TRPM6: variants seen among roughly 807,000 people sequenced by gnomAD.
TRPM6 encodes the protein transient receptor potential cation channel subfamily M member 6, also known as channel kinase 2.
Under a neutral mutation model 247.6 loss-of-function variants are expected in TRPM6, and 111 were observed. The observed-to-expected ratio is 0.45, with a 90% CI of 0.38 to 0.52. TRPM6 has a LOEUF of 0.52. Ranked by LOEUF, TRPM6 falls within the 20% of genes least tolerant of loss-of-function variation. The probability of loss-of-function intolerance (pLI) is 0.00; values close to 1 mark genes in which losing one functional copy is unlikely to be tolerated. For missense variants in TRPM6, 2,126 were observed against 2,421.5 expected (o/e 0.88, Z 2.56); for synonymous variants, 892 against 853.8 (o/e 1.04, Z -0.78).
At chr9:74,750,865 T>C (rs1005671393) in intron 29 of TRPM6, 143 bp from the exon 30 acceptor site, 3 of 779,708 alleles carry the variant, frequency 3.8e-6, no homozygotes, top group Non-Finnish European at 6.7e-6. Context: ...AAAAACATAC[T>C]AAACCCAAGC....
chr9:74,740,012 G>T lies in TRPM6; in HGVS notation c.5201-3C>A. The T allele has an allele frequency of 1.4e-5, 23 of 1,613,734 alleles. No individual in the cohort carries two copies. Among genetic ancestry groups the T allele is most frequent in the Non-Finnish European group, 1.9e-5 (23 of 1,179,936 alleles). On this transcript the variant is annotated splice_region_variant and splice_polypyrimidine_tract_variant and intron_variant, in intron 33 of 38. Coordinates refer to ENST00000360774, the MANE Select transcript of TRPM6 (RefSeq NM_017662.5). ...GTAGACAGTTATTTCTTCTCCTGCT[G>T]CAAAGAGAAGTGAAGGCTAGGAATT...
intron 20 of TRPM6, among the ~76,000 whole-genome samples, chr9:74,786,533 G>A (rs1827676727): frequency 6.6e-6 from 1 of 151,676 alleles, no homozygotes; most frequent in African/African-American, 2.4e-5. Flanking sequence ...GAGGTCAGGA[G>A]ATCGAGATCA....
At chr9:74,774,175 T>G (rs1827138139) in intron 24 of TRPM6, among the ~76,000 whole-genome samples, 1 of 152,230 alleles carries the variant, frequency 6.6e-6, no homozygotes, top group South Asian at 2.1e-4. Flanking sequence ...AAGCTCAGGG[T>G]GAATTCATTT....
chr9:74,732,722 A>G lies in TRPM6; in HGVS notation c.5791T>C (p.Leu1931=), dbSNP rs1363724270. 1 of 1,609,528 alleles carries G rather than the reference A, an allele frequency of 6.2e-7. No homozygotes were observed. Among genetic ancestry groups the G allele is most frequent in the Non-Finnish European group, 8.5e-7 (1 of 1,177,784 alleles). ...VLDLQGVGEN[L]TDPSVIKPEV... ...GGTTTTATAACAGATGGATCTGTCAAATTTTCTCCAACACCTCAAAAGAAG... is the reference window on the plus strand; with the variant it reads ...GGTTTTATAACAGATGGATCTGTCAGATTTTCTCCAACACCTCAAAAGAAG... Residue 1931 remains leucine (L), a synonymous_variant, in exon 37 of 39, where the codon TTG becomes CTG. Coordinates refer to ENST00000360774, the MANE Select transcript of TRPM6 (RefSeq NM_017662.5).
chr9:74,735,807 T>TA (rs1213451492), intron 36 of TRPM6, among the ~76,000 whole-genome samples: 2 of 152,172 alleles, frequency 1.3e-5, no homozygotes, highest in Non-Finnish European at 2.9e-5. Flanking sequence ...GGTCTCTCCT[T>TA]AGAGTACAGT....
chr9:74,831,603 A>T (rs1446212199), intron 6 of TRPM6, among the ~76,000 whole-genome samples: 1 of 152,254 alleles, frequency 6.6e-6, no homozygotes, highest in African/African-American at 2.4e-5. Flanking sequence ...CTAAAAAGCA[A>T]GGAAGTCATG....
In TRPM6 at chr9:74,800,374, G is replaced by A. The variant is rs149238868; in HGVS notation, c.2118C>T (p.Thr706=). The A allele has an allele frequency of 2.1e-5, 34 of 1,613,908 alleles. No individual in the cohort carries two copies. The highest frequency in any genetic ancestry group is 2.6e-5 in the Non-Finnish European group (31 of 1,180,024). Residue 706 remains threonine, a synonymous_variant, in exon 17 of 39, where the codon ACC becomes ACT. Transcript: ENST00000360774. The part of the protein sequence containing the change: ...TYELRNWSNS[T]CLKLAVSGGL... ...CTCCCGACACGGCCAGTTTAAGGCA[G>A]GTCGAATTGCTCCAGTTCCTGAGTT...
intron 15 of TRPM6, among the ~76,000 whole-genome samples, chr9:74,802,447 A>C (rs1328317915): frequency 4.6e-5 from 7 of 152,210 alleles, no homozygotes; most frequent in Non-Finnish European, 1.0e-4. Context: ...GGATATACCC[A>C]GAGTGCTTAA....
chr9:74,803,853 A>T lies in TRPM6; in HGVS notation c.1672T>A (p.Ser558Thr). 1 of 1,613,550 alleles carries T rather than the reference A, an allele frequency of 6.2e-7. No individual in the cohort carries two copies. Among genetic ancestry groups the T allele is most frequent in the Non-Finnish European group, 8.5e-7 (1 of 1,179,622 alleles). Reference sequence around the variant, plus strand: ...TGGGAGTGCAGCGTACTTTCTGCAGACTCATTTCTATTTCCTGAGGAGTGT... The same window carrying T: ...TGGGAGTGCAGCGTACTTTCTGCAGTCTCATTTCTATTTCCTGAGGAGTGT... The part of the protein sequence containing the change: ...QRHSSGNRNE[S>T]AESTLHSQFI... The change falls in exon 15 of 39, where the codon TCT (serine) becomes ACT (threonine). Residue 558 changes from serine to threonine, a missense_variant. Physicochemically the swap from Ser to Thr is moderately conservative, Grantham distance 58. Around this residue, in one of 3 missense-constraint regions of TRPM6, gnomAD observed 1,082 missense variants for 1,307.9 expected, o/e 0.83. Transcript: ENST00000360774.
chr9:74,861,027 AAAAG>A (rs3056771), intron 1 of TRPM6, among the ~76,000 whole-genome samples: 87,446 of 151,088 alleles, frequency 0.58, 25,526 homozygotes, highest in East Asian at 0.78. Flanking sequence ...TGTCACAAAA[AAAAG>A]AAAGAAAGAA....
At chr9:74,757,939 T>C (rs1215889463) in intron 27 of TRPM6, among the ~76,000 whole-genome samples, 1 of 151,884 alleles carries the variant, frequency 6.6e-6, no homozygotes, top group Non-Finnish European at 1.5e-5. Context: ...ATAAATAAAA[T>C]AAAATGTTAG....
At chr9:74,790,935 C>A (rs1202389683) in intron 19 of TRPM6, among the ~76,000 whole-genome samples, 1 of 152,172 alleles carries the variant, frequency 6.6e-6, no homozygotes, top group Non-Finnish European at 1.5e-5. Context: ...AGTACTCACA[C>A]CTAGGTAAAA....
rs1288318893 is a variant in TRPM6 at position 74,816,743 on chromosome 9, A to G, written c.1234T>C (p.Leu412=). The G allele has an allele frequency of 1.1e-5, 17 of 1,614,178 alleles. No individual in the cohort carries two copies. Among genetic ancestry groups the G allele is most frequent in the Non-Finnish European group, 1.4e-5 (16 of 1,180,022 alleles). Residue 412 remains leucine (L), a synonymous_variant, in exon 11 of 39, where the codon TTA becomes CTA. Coordinates refer to ENST00000360774, the MANE Select transcript of TRPM6 (RefSeq NM_017662.5). ...KGTNLSASEQ[L]NLAMAWDRVD... ...CTGTCCCAAGCCATTGCCAGATTTA[A>G]TTGCTCTGACGCTGATAAATTTGTG...
Position 74,792,858 on chromosome 9 carries a change from T to C in TRPM6, c.2392-88A>G, listed in dbSNP as rs577313017. Reference sequence around the variant, plus strand: ...AACATCCAAAAAATATCATAAATAATATATTAGAAATTAGTTGGCTGGGGG... The same window carrying C: ...AACATCCAAAAAATATCATAAATAACATATTAGAAATTAGTTGGCTGGGGG... On this transcript the variant is annotated intron_variant, in intron 18 of 38. Transcript: ENST00000360774. The C allele has an allele frequency of 1.7e-5, 22 of 1,309,044 alleles. No homozygotes were observed. The African/African-American group carries it at 1.8e-4, about 10-fold the overall frequency. The allele number at this position is 1,309,044 out of a possible 1,614,324, so 81.1% of individuals were successfully genotyped here.
intron 1 of TRPM6, among the ~76,000 whole-genome samples, chr9:74,859,620 A>G (rs1183803047): frequency 6.6e-6 from 1 of 152,016 alleles, no homozygotes; most frequent in African/African-American, 2.4e-5. Context: ...TAAAAATACA[A>G]AAAATTAGCT....
chr9:74,878,540 A>G (rs1018153547), intron 1 of TRPM6, among the ~76,000 whole-genome samples: 5 of 152,220 alleles, frequency 3.3e-5, no homozygotes, highest in African/African-American at 1.2e-4. Flanking sequence ...TGAAGAAATC[A>G]TAACGAGACT....
chr9:74,824,432 G>C (rs1829254606), intron 7 of TRPM6, among the ~76,000 whole-genome samples: 1 of 143,890 alleles, frequency 6.9e-6, no homozygotes, highest in Non-Finnish European at 1.5e-5. Flanking sequence ...GACTACAGGG[G>C]TGAGCCACCA....
chr9:74,845,423 G>A (rs938923642), intron 3 of TRPM6, among the ~76,000 whole-genome samples: 1 of 152,196 alleles, frequency 6.6e-6, no homozygotes, highest in Non-Finnish European at 1.5e-5. Context: ...ACAAAATGTG[G>A]TATATAAATA....
chr9:74,794,636 CTT>C (rs908336336), intron 18 of TRPM6, among the ~76,000 whole-genome samples: 5 of 152,132 alleles, frequency 3.3e-5, no homozygotes, highest in East Asian at 1.9e-4. Flanking sequence ...AATAACTTCT[CTT>C]ATTATTTTTC....
Sources: allele counts gnomAD v4.1 joint callset (sites outside exome capture counted in the v4.1 genomes callset), GRCh38; gene constraint gnomAD v4.1.1; regional missense constraint gnomAD v4.1.1; transcripts MANE v1.5; gene names NCBI Gene and HGNC (gene_info 2026-07-23, HGNC 2026-07-21).